The following DOK5 variants were observed in gnomAD, a reference collection of about 807,000 sequenced individuals.
DOK5 encodes docking protein 5.
Under a neutral mutation model 43.3 loss-of-function variants are expected in DOK5, and 27 were observed. That is an observed-to-expected ratio of 0.62 (90% CI 0.46 to 0.86). The LOEUF (loss-of-function observed/expected upper bound fraction) is 0.86. DOK5 is among the 40% of genes least tolerant of loss of function. The pLI is 0.00. For missense variants in DOK5, 373 were observed against 392.9 expected, an observed-to-expected ratio of 0.95 and a Z score of 0.43; for synonymous variants, 146 against 140.1, an observed-to-expected ratio of 1.04 and a Z score of -0.30.
intron 6 of DOK5, among the ~76,000 whole-genome samples, chr20:54,613,921 G>A (rs987944470): frequency 6.6e-6 from 1 of 151,816 alleles, no homozygotes; most frequent in Non-Finnish European, 1.5e-5. Flanking sequence ...TTGGCCCCAG[G>A]AATTCAAGGC....
At chr20:54,607,901 C>CAAAAG (rs1426127802) in intron 5 of DOK5, among the ~76,000 whole-genome samples, 1 of 74,456 alleles carries the variant, frequency 1.3e-5, no homozygotes, top group Non-Finnish European at 2.3e-5. Context: ...CAAAACAAAA[C>CAAAAG]AAAACAAAAC....
chr20:54,593,415 G>A (rs1986040697), intron 5 of DOK5, among the ~76,000 whole-genome samples: 1 of 152,050 alleles, frequency 6.6e-6, no homozygotes, highest in Non-Finnish European at 1.5e-5. Flanking sequence ...TTATTTTTAA[G>A]TACCTAGAAA....
In DOK5 at chr20:54,517,401, C is replaced by T. The variant is rs770365600; in HGVS notation, c.67-37532C>T. 3.3e-5 allele frequency among the ~76,000 whole-genome samples: 5 copies of T among 152,130 alleles called. No individual in the cohort carries two copies. The East Asian group carries it at 9.6e-4, about 29-fold the overall frequency. ...ATGGGATAAAATTGTAGCCTAACCA[C>T]TGTGTATGCTGGAGTCACGCAATTT... On this transcript the variant is annotated intron_variant, in intron 1 of 7. Transcript: ENST00000262593.
intron 5 of DOK5, among the ~76,000 whole-genome samples, chr20:54,596,627 C>G (rs2044303156): frequency 6.6e-6 from 1 of 152,028 alleles, no homozygotes; most frequent in South Asian, 2.1e-4. Flanking sequence ...TTCATTGCCA[C>G]CTGTAAATTG....
intron 1 of DOK5, among the ~76,000 whole-genome samples, chr20:54,479,049 G>T (rs1260805731): frequency 6.6e-6 from 1 of 151,864 alleles, no homozygotes; most frequent in Non-Finnish European, 1.5e-5. Context: ...TGTACATATT[G>T]TATAATATAT....
At chr20:54,503,457 G>T (rs965803383) in intron 1 of DOK5, among the ~76,000 whole-genome samples, 3 of 151,798 alleles carry the variant, frequency 2.0e-5, no homozygotes, top group African/African-American at 7.3e-5. Flanking sequence ...TTTTATTCTT[G>T]ATTTTTTTTA....
At position 54,475,644 on chromosome 20, in the gene DOK5, GC is replaced by G. The variant is rs1377561233; in HGVS notation, c.-301del. 1 of 475,404 alleles carries G rather than the reference GC, an allele frequency of 2.1e-6. No individual in the cohort carries two copies. Among genetic ancestry groups the G allele is most frequent in the Non-Finnish European group, 3.8e-6 (1 of 264,802 alleles). 29.4% of individuals were successfully genotyped at this position (475,404 alleles called of 1,614,324 possible). ...GGAGGCAGGGCTGGATCCCTCAGCC[GC>G]CGCCGCTCCTCCTCCTGGCAGGCCG... On this transcript the variant is annotated 5_prime_UTR_variant, in exon 1 of 8. Transcript: ENST00000262593. The surrounding 1 kb of genome is among the most constrained non-coding windows in gnomAD (Gnocchi z 4.2).
chr20:54,563,664 GTTTT>G (rs76886127), intron 2 of DOK5, among the ~76,000 whole-genome samples: 3 of 114,348 alleles, frequency 2.6e-5, no homozygotes, highest in Middle Eastern at 4.8e-3. Flanking sequence ...TATTTGTCAG[GTTTT>G]TTTTTTTTTT....
intron 5 of DOK5, 112 bp downstream of exon 5, chr20:54,591,917 G>A: frequency 1.2e-6 from 1 of 864,556 alleles, no homozygotes; most frequent in Non-Finnish European, 1.7e-6. Flanking sequence ...TCCAGCTGAA[G>A]TACACTTGAG....
intron 1 of DOK5, among the ~76,000 whole-genome samples, chr20:54,512,669 T>G (rs990227800): frequency 6.6e-6 from 1 of 152,356 alleles, no homozygotes; most frequent in South Asian, 2.1e-4. Context: ...TTTACTCTTA[T>G]GAAAACACTT....
At chr20:54,576,565 A>T (rs1188915795) in intron 2 of DOK5, among the ~76,000 whole-genome samples, 1 of 152,228 alleles carries the variant, frequency 6.6e-6, no homozygotes, top group Non-Finnish European at 1.5e-5. Context: ...GTTCCTCTAT[A>T]TGGTTACCAC....
intron 6 of DOK5, among the ~76,000 whole-genome samples, chr20:54,641,580 TCTC>T (rs145232079): frequency 0.018 from 1,065 of 57,982 alleles, 11 homozygotes; most frequent in Middle Eastern, 0.081. Context: ...ATCATCATCA[TCTC>T]CATCTCCATT....
intron 6 of DOK5, among the ~76,000 whole-genome samples, chr20:54,618,989 C>T (rs1262273416): frequency 9.0e-5 from 12 of 133,200 alleles, no homozygotes; most frequent in African/African-American, 3.3e-4. Context: ...TGCCCTCCAG[C>T]CTGGGCAACA....
At chr20:54,632,030 T>A (rs1978597329) in intron 6 of DOK5, among the ~76,000 whole-genome samples, 1 of 152,192 alleles carries the variant, frequency 6.6e-6, no homozygotes, top group Non-Finnish European at 1.5e-5. Context: ...CACAAAAACA[T>A]GGACCCCTCC....
chr20:54,604,051 G>A (rs60030360), intron 5 of DOK5, among the ~76,000 whole-genome samples: 26,302 of 146,500 alleles, frequency 0.18, 4,288 homozygotes, highest in African/African-American at 0.44. Context: ...GGTTCACGCC[G>A]TTCTCCTGCC....
chr20:54,498,822 T>C (rs1568755502), intron 1 of DOK5, among the ~76,000 whole-genome samples: 1 of 152,152 alleles, frequency 6.6e-6, no homozygotes, highest in Non-Finnish European at 1.5e-5. Flanking sequence ...AAAAAAGACT[T>C]TTTTTCTCCC....
chr20:54,619,027 A>T (rs1424826534), intron 6 of DOK5, among the ~76,000 whole-genome samples: 3 of 21,294 alleles, frequency 1.4e-4, no homozygotes, highest in Non-Finnish European at 2.4e-4. Context: ...AATAAATTAT[A>T]TATATATATA....
chr20:54,628,779 C>G (rs1568819093), intron 6 of DOK5, among the ~76,000 whole-genome samples: 1 of 152,144 alleles, frequency 6.6e-6, no homozygotes, highest in Non-Finnish European at 1.5e-5. Context: ...CTCACCAAAC[C>G]ATACAAGATG....
At chr20:54,647,994 A>G (rs968896676) in intron 7 of DOK5, among the ~76,000 whole-genome samples, 2 of 152,160 alleles carry the variant, frequency 1.3e-5, no homozygotes, top group African/African-American at 2.4e-5. Flanking sequence ...CTTTCTGAGG[A>G]CCTACTGTGT....
Sources: gnomAD v4.1 joint callset for allele counts (sites outside exome capture counted in the v4.1 genomes callset) on GRCh38, gnomAD v4.1.1 for gene constraint, Gnocchi (gnomAD v3.1) non-coding constraint, MANE v1.5 for transcripts, NCBI Gene and HGNC (gene_info 2026-07-23, HGNC 2026-07-21) for gene names.